SGSM3: variants seen among roughly 807,000 people sequenced by gnomAD.
SGSM3 encodes the protein RUN and SH3 containing 3.
SGSM3 carries 96 observed loss-of-function variants against 100.5 expected under a neutral mutation model. The observed-to-expected ratio is 0.96, with a 90% CI of 0.81 to 1.13. The LOEUF is 1.13. Ranked by LOEUF, SGSM3 falls within the 50% of genes most tolerant of loss-of-function variation. The probability of loss-of-function intolerance (pLI) is 0.00; values close to 1 mark genes in which losing one functional copy is unlikely to be tolerated. For missense variants in SGSM3, 1,001 were observed against 1,015.8 expected, an observed-to-expected ratio of 0.99 and a Z score of 0.20; for synonymous variants, 483 against 422.8, an observed-to-expected ratio of 1.14 and a Z score of -1.75.
rs1028122704 is a variant in SGSM3 at position 40,405,012 on chromosome 22, G to C, written c.475-129G>C. 1.7e-5 allele frequency: 22 copies of C among 1,280,580 alleles called. No homozygotes were observed. The African/African-American group carries it at 3.3e-4, about 19-fold the overall frequency. The allele number at this position is 1,280,580 out of a possible 1,614,324, so 79.3% of individuals were successfully genotyped here. ...CACTGGCTGGGAGCTGACCCTGAAG[G>C]GAGGAGGGTGACCTTGATCAGGAAC... On this transcript the variant is annotated intron_variant, in intron 6 of 21. Transcript: ENST00000248929.
At chr22:40,381,584 CA>C (rs1165241292) in intron 1 of SGSM3, among the ~76,000 whole-genome samples, 2 of 152,096 alleles carry the variant, frequency 1.3e-5, no homozygotes, top group African/African-American at 4.8e-5. Flanking sequence ...TGGAAAAGAA[CA>C]AATGATAAAT....
At chr22:40,392,539 CTGCAGGGGAAGAGA>C (rs2049500864) in intron 1 of SGSM3, among the ~76,000 whole-genome samples, 1 of 152,124 alleles carries the variant, frequency 6.6e-6, no homozygotes, top group Admixed American at 6.5e-5. Flanking sequence ...AGTAGCAGCT[CTGCAGGGGAAGAGA>C]AAGGCAAGAT....
In SGSM3 at chr22:40,407,293, C is replaced by G; in HGVS notation, c.1333C>G (p.His445Asp). The G allele has an allele frequency of 6.2e-7, 1 of 1,613,616 alleles. No homozygotes were observed. The highest frequency in any genetic ancestry group is 8.5e-7 in the Non-Finnish European group (1 of 1,180,034). ...LREAILRVAR[H>D]FQCTDPKNCS... The stretch of plus-strand genomic sequence containing the variant: ...GGAAGCCATCCTGCGCGTGGCACGC[C>G]ACTTCCAGTGCACAGACCCCAAAAA... The change falls in exon 12 of 22, where the codon CAC (histidine) becomes GAC (aspartate). Residue 445 changes from histidine to aspartate, a missense_variant. Physicochemically the swap from His to Asp is moderately conservative, Grantham distance 81. Coordinates refer to ENST00000248929, the MANE Select transcript of SGSM3 (RefSeq NM_015705.6). The surrounding 1 kb of genome is among the most constrained non-coding windows in gnomAD (Gnocchi z 4.7).
At chr22:40,374,598 T>C (rs897957791) in intron 1 of SGSM3, among the ~76,000 whole-genome samples, 1 of 152,150 alleles carries the variant, frequency 6.6e-6, no homozygotes, top group Non-Finnish European at 1.5e-5. Context: ...ATCTGTTGAA[T>C]GGGGCCCAGT....
At chr22:40,396,326 T>C (rs1189488226) in intron 1 of SGSM3, among the ~76,000 whole-genome samples, 3 of 152,096 alleles carry the variant, frequency 2.0e-5, no homozygotes, top group Non-Finnish European at 4.4e-5. Context: ...GTGCGGTGGC[T>C]CACACCTGTA....
chr22:40,383,155 C>G (rs555833673), intron 1 of SGSM3, among the ~76,000 whole-genome samples: 3 of 152,224 alleles, frequency 2.0e-5, no homozygotes, highest in South Asian at 2.1e-4. Context: ...GGCACCTACA[C>G]TAGTAAAGTG....
chr22:40,400,871 G>A, intron 2 of SGSM3, 58 bp downstream of exon 2: 4 of 1,474,442 alleles, frequency 2.7e-6, no homozygotes, highest in Non-Finnish European at 3.6e-6. Context: ...AGGAGCCAGA[G>A]GGATGGAAGG....
chr22:40,408,498 T>G, intron 16 of SGSM3, 69 bp downstream of exon 16: 1 of 1,600,496 alleles, frequency 6.2e-7, no homozygotes, highest in African/African-American at 1.3e-5. Flanking sequence ...GTACCCATCT[T>G]AGGTCCTTCC....
Position 40,406,562 on chromosome 22 carries a change from C to G in SGSM3, c.1085C>G (p.Thr362Ser). 6.2e-7 allele frequency: 1 copy of G among 1,613,066 alleles called. No homozygotes were observed. The highest frequency in any genetic ancestry group is 8.5e-7 in the Non-Finnish European group (1 of 1,179,902). Reference protein sequence around the residue: ...GVAMRLAGSLTDVAVETQRRK... With the variant: ...GVAMRLAGSLSDVAVETQRRK... ...GCCATGCGGCTGGCCGGCTCCCTCA[C>G]CGATGTGGCCGTGGAGACTCAGCGC... The change falls in exon 10 of 22, where the codon ACC (threonine) becomes AGC (serine). Residue 362 changes from threonine to serine, a missense_variant. Thr to Ser is a moderately conservative substitution (Grantham distance 58). Coordinates refer to ENST00000248929, the MANE Select transcript of SGSM3 (RefSeq NM_015705.6).
chr22:40,400,833 T>G lies in SGSM3; in HGVS notation c.7+20T>G. 2 of 1,529,652 alleles carry G rather than the reference T, an allele frequency of 1.3e-6. No individual in the cohort carries two copies. The highest frequency in any genetic ancestry group is 1.8e-6 in the Non-Finnish European group (2 of 1,139,926). The allele number at this position is 1,529,652 out of a possible 1,614,324, so 94.8% of individuals were successfully genotyped here. On this transcript the variant is annotated intron_variant, in intron 2 of 21. Transcript: ENST00000248929. ...TGTCAGGTAGAGGCAGGGGCTGGAC[T>G]TGGAAACGGGGTTTGAAGCTCTCAC...
rs937204377 is a variant in SGSM3, at chr22:40,408,014, G to A, written c.1580-57G>A. ...CTGCCTCAGCCTGCCTGCAGGCTGT[G>A]TCTGCTCTGTCCTCGGCCCTCGTGG... On this transcript the variant is annotated intron_variant, in intron 14 of 21. Coordinates refer to ENST00000248929, the MANE Select transcript of SGSM3 (RefSeq NM_015705.6). The A allele has an allele frequency of 2.2e-5, 35 of 1,577,510 alleles. No homozygotes were observed. In the Middle Eastern group the frequency reaches 5.1e-4, roughly 23 times the overall value.
At chr22:40,388,421 G>A (rs1158037061) in intron 1 of SGSM3, 3 of 152,360 alleles carry the variant, frequency 2.0e-5, no homozygotes, top group South Asian at 2.1e-4. Flanking sequence ...TGGGTTCCAA[G>A]ATAACGTTGC....
chr22:40,391,280 C>T (rs1479890090), intron 1 of SGSM3, among the ~76,000 whole-genome samples: 1 of 152,036 alleles, frequency 6.6e-6, no homozygotes, highest in Non-Finnish European at 1.5e-5. Flanking sequence ...TTTAGGAAGC[C>T]CTCCAGGTGA....
In SGSM3 at chr22:40,386,941, T is replaced by A. The variant is rs1001916178; in HGVS notation, c.-111-13755T>A. On this transcript the variant is annotated intron_variant, in intron 1 of 21. Transcript: ENST00000248929. ...ATTTTGAATTTTCACACACAAAAAA[T>A]TTTTTTTAGTTGCTTTGTGTCTTAA... Among the ~76,000 whole-genome samples the A allele has an allele frequency of 3.9e-5, 6 of 152,154 alleles. No homozygotes were observed. The South Asian group carries it at 6.2e-4, about 16-fold the overall frequency.
Position 40,408,641 on chromosome 22 carries a change from G to A in SGSM3, c.1797G>A (p.Glu599=). 1 of 1,613,994 alleles carries A rather than the reference G, an allele frequency of 6.2e-7. No individual in the cohort carries two copies. The highest frequency in any genetic ancestry group is 8.5e-7 in the Non-Finnish European group (1 of 1,180,028). The part of the protein sequence containing the change: ...WLFIEEAAGR[E]VERDFASVYS... ...TGTCCCCACAGGCTGCAGGCCGGGA[G>A]GTCGAGAGAGACTTTGCCTCCGTGT... The change falls in exon 17 of 22, where the codon GAG becomes GAA. Residue 599 remains glutamate (E), a synonymous_variant. Transcript: ENST00000248929.
chr22:40,409,215 C>A, intron 19 of SGSM3, 35 bp from the exon 20 acceptor site: 1 of 1,572,202 alleles, frequency 6.4e-7, no homozygotes, highest in Non-Finnish European at 8.6e-7. Context: ...GGGCCTGGAG[C>A]TGCCCCTGCT....
chr22:40,395,823 T>C (rs1372450570), intron 1 of SGSM3, among the ~76,000 whole-genome samples: 1 of 152,242 alleles, frequency 6.6e-6, no homozygotes, highest in Non-Finnish European at 1.5e-5. Context: ...TGATTGTGTC[T>C]TGAATCTGTT....
chr22:40,408,899 G>A (rs2052104452), intron 18 of SGSM3, 34 bp from the exon 19 acceptor site: 3 of 1,613,918 alleles, frequency 1.9e-6, no homozygotes, highest in Non-Finnish European at 2.5e-6. Context: ...GCCTGTGGGG[G>A]AGCCTGAGTG....
chr22:40,407,433 C>T lies in SGSM3; in HGVS notation c.1389C>T (p.Ser463=). The T allele has an allele frequency of 6.2e-7, 1 of 1,612,850 alleles. No homozygotes were observed. Among genetic ancestry groups the T allele is most frequent in the Non-Finnish European group, 8.5e-7 (1 of 1,179,832 alleles). ...NCSVELTPDY[S]MESHQRDHEN... ...GGCAGGAGCTGACTCCAGACTATAG[C>T]ATGGAGAGCCACCAGCGGGACCACG... Residue 463 remains serine (S), a synonymous_variant, in exon 13 of 22, where the codon AGC becomes AGT. Coordinates refer to ENST00000248929, the MANE Select transcript of SGSM3 (RefSeq NM_015705.6). The surrounding 1 kb of genome is among the most constrained non-coding windows in gnomAD (Gnocchi z 4.7).
Sources: gnomAD v4.1 joint callset for allele counts (sites outside exome capture counted in the v4.1 genomes callset) on GRCh38, gnomAD v4.1.1 for gene constraint, Gnocchi (gnomAD v3.1) non-coding constraint, MANE v1.5 for transcripts, NCBI Gene and HGNC (gene_info 2026-07-23, HGNC 2026-07-21) for gene names.